The following OSBPL9 variants were observed in gnomAD, a reference collection of about 807,000 sequenced individuals.
The protein encoded by OSBPL9 is oxysterol binding protein like 9.
A neutral mutation model predicts 106.6 loss-of-function variants in OSBPL9; 40 were observed. That is an observed-to-expected ratio of 0.38 (90% CI 0.29 to 0.49). OSBPL9 has a LOEUF of 0.49. Among genes scored for constraint, OSBPL9 ranks in the 20% least tolerant of loss-of-function variants. The probability of loss-of-function intolerance (pLI) is 0.97; values close to 1 mark genes in which losing one functional copy is unlikely to be tolerated. For missense variants in OSBPL9, 609 were observed against 887.2 expected (o/e 0.69, Z 3.98); for synonymous variants, 269 against 295.4 (o/e 0.91, Z 0.92).
At chr1:51,785,376 A>C (rs1428782357) in intron 20 of OSBPL9, 1 of 166,308 alleles carries the variant, frequency 6.0e-6, no homozygotes, top group East Asian at 1.9e-4. Flanking sequence ...CATCTGGCAC[A>C]GAGGTCCCTT....
chr1:51,740,579 A>G (rs1315977657), intron 4 of OSBPL9, among the ~76,000 whole-genome samples: 1 of 151,992 alleles, frequency 6.6e-6, no homozygotes, highest in Non-Finnish European at 1.5e-5. Flanking sequence ...CTTACTTCTA[A>G]TATATTTTCT....
upstream of OSBPL9, among the ~76,000 whole-genome samples, chr1:51,576,567 G>A (rs372702973): frequency 1.3e-5 from 2 of 151,604 alleles, no homozygotes; most frequent in African/African-American, 4.9e-5. Context: ...TTGCTCTGTC[G>A]CCCAGGTTGC....
chr1:51,782,700 G>T, intron 17 of OSBPL9, 57 bp downstream of exon 17: 1 of 1,514,894 alleles, frequency 6.6e-7, no homozygotes, highest in Non-Finnish European at 9.1e-7. Flanking sequence ...GTCTAAAGAG[G>T]GTCATTAAAA....
the OSBPL9 span, chr1:51,569,436 G>A: frequency 6.6e-6 from 1 of 152,172 alleles, no homozygotes; most frequent in Admixed American, 6.5e-5. Flanking sequence ...GCGGGGTGGA[G>A]TTATCATATT....
intron 2 of OSBPL9, among the ~76,000 whole-genome samples, chr1:51,599,412 G>T (rs1038735714): frequency 6.6e-6 from 1 of 152,136 alleles, no homozygotes; most frequent in Non-Finnish European, 1.5e-5. Flanking sequence ...CTCCTCAAGG[G>T]CAGTGAGCAC....
At chr1:51,681,815 T>C (rs1378582997) in intron 3 of OSBPL9, among the ~76,000 whole-genome samples, 2 of 152,232 alleles carry the variant, frequency 1.3e-5, no homozygotes, top group Non-Finnish European at 2.9e-5. Flanking sequence ...TTCTCCTATA[T>C]ACTTTAAACC....
At chr1:51,743,709 GA>G (rs1175932543) in intron 4 of OSBPL9, among the ~76,000 whole-genome samples, 1 of 152,082 alleles carries the variant, frequency 6.6e-6, no homozygotes, top group East Asian at 1.9e-4. Context: ...ATTGCTGTGT[GA>G]AACAAAACCA....
chr1:51,768,644 T>A (rs1252296145), intron 12 of OSBPL9, among the ~76,000 whole-genome samples: 1 of 152,270 alleles, frequency 6.6e-6, no homozygotes, highest in East Asian at 1.9e-4. Context: ...TGTGGTTAGC[T>A]CTTGGTAACA....
In OSBPL9 at chr1:51,594,293, T is replaced by G. The variant is rs1042692975; in HGVS notation, c.-422-3831T>G. ...GGGCGTGGTGGCGGGCACCAGCTAC[T>G]CAAGAGGCTGAGGCAGGATAATCAC... On this transcript the variant is annotated intron_variant, in intron 1 of 25. Transcript: ENST00000371714. Among the ~76,000 whole-genome samples, 9 of 152,010 alleles carry G rather than the reference T, an allele frequency of 5.9e-5. No homozygotes were observed. The South Asian group carries it at 1.9e-3, about 32-fold the overall frequency.
chr1:51,574,604 G>A (rs1645172743), upstream of OSBPL9, among the ~76,000 whole-genome samples: 1 of 152,084 alleles, frequency 6.6e-6, no homozygotes, highest in African/African-American at 2.4e-5. Flanking sequence ...GTGCGACAGA[G>A]CGAGACTCTG....
chr1:51,591,751 C>T (rs993498704), intron 1 of OSBPL9, among the ~76,000 whole-genome samples: 1 of 151,948 alleles, frequency 6.6e-6, no homozygotes, highest in Admixed American at 6.6e-5. Flanking sequence ...GAGATCATGC[C>T]ACTGCACTCC....
Position 51,781,207 on chromosome 1 carries a change from G to C in OSBPL9, c.1300G>C (p.Val434Leu). The C allele has an allele frequency of 6.2e-7, 1 of 1,614,110 alleles. No homozygotes were observed. The highest frequency in any genetic ancestry group is 8.5e-7 in the Non-Finnish European group (1 of 1,180,002). ...KDPKDRMVQVVKWYLSAFHAG... is the reference protein window; with the variant it reads ...KDPKDRMVQVLKWYLSAFHAG... Reference sequence around the variant, plus strand: ...TCCCAAGGATCGAATGGTTCAGGTTGTGAAATGGTACCTCTCAGCCTTTCA... The same window carrying C: ...TCCCAAGGATCGAATGGTTCAGGTTCTGAAATGGTACCTCTCAGCCTTTCA... Residue 434 changes from valine to leucine, a missense_variant, in exon 16 of 24, where the codon GTG becomes CTG. Val to Leu is a conservative substitution (Grantham distance 32, BLOSUM62 1). This residue lies in a region of OSBPL9 where 356 missense variants were observed against 505.8 expected (regional missense o/e 0.70). Coordinates refer to ENST00000428468, the MANE Select transcript of OSBPL9 (RefSeq NM_024586.6).
the OSBPL9 span, among the ~76,000 whole-genome samples, chr1:51,522,768 A>G: frequency 1.1e-4 from 16 of 152,342 alleles, no homozygotes; most frequent in Non-Finnish European, 2.1e-4. Flanking sequence ...ATTGAAGATA[A>G]TAATATCTAC....
chr1:51,674,068 T>C (rs990828006), intron 3 of OSBPL9, among the ~76,000 whole-genome samples: 29 of 148,498 alleles, frequency 2.0e-4, no homozygotes, highest in East Asian at 5.9e-4. Flanking sequence ...TCTTCTTCTT[T>C]TTTTTTTTTT....
At chr1:51,784,185 GAGTA>G in intron 18 of OSBPL9, 75 bp from the exon 19 acceptor site, 1 of 1,490,408 alleles carries the variant, frequency 6.7e-7, no homozygotes, top group Non-Finnish European at 9.4e-7. Context: ...GAGTATCCTG[GAGTA>G]ACCATCAGCT....
chr1:51,571,225 TA>T, the OSBPL9 span, among the ~76,000 whole-genome samples: 1 of 152,152 alleles, frequency 6.6e-6, no homozygotes, highest in Non-Finnish European at 1.5e-5. Context: ...GGACCTGACA[TA>T]GAAGAAAGAC....
At chr1:51,687,394 G>C (rs1654033186) in intron 3 of OSBPL9, among the ~76,000 whole-genome samples, 1 of 152,320 alleles carries the variant, frequency 6.6e-6, no homozygotes, top group African/African-American at 2.4e-5. Context: ...AATAACTTAT[G>C]CATAGTATGT....
At chr1:51,525,671 A>G in the OSBPL9 span, among the ~76,000 whole-genome samples, 1 of 152,158 alleles carries the variant, frequency 6.6e-6, no homozygotes, top group African/African-American at 2.4e-5. Flanking sequence ...CTCCACTACC[A>G]TGGCCTTTCT....
At chr1:51,701,353 G>A (rs114298011) in intron 3 of OSBPL9, among the ~76,000 whole-genome samples, 2,395 of 152,280 alleles carry the variant, frequency 0.016, 23 homozygotes, top group Non-Finnish European at 0.025. Flanking sequence ...ATGGGTTATA[G>A]TCCAGTACTC....
Sources: gnomAD v4.1 joint callset for allele counts (sites outside exome capture counted in the v4.1 genomes callset) on GRCh38, gnomAD v4.1.1 for gene constraint, gnomAD v4.1.1 regional missense constraint, MANE v1.5 for transcripts, NCBI Gene and HGNC (gene_info 2026-07-23, HGNC 2026-07-21) for gene names.